BRDT: variants seen among roughly 807,000 people sequenced by gnomAD.
BRDT encodes bromodomain testis-specific protein.
A neutral mutation model predicts 113.9 loss-of-function variants in BRDT; 77 were observed. The observed-to-expected ratio is 0.68, with a 90% CI of 0.56 to 0.82. The LOEUF is 0.82. BRDT is among the 40% of genes least tolerant of loss of function. The pLI, the probability that BRDT is intolerant of heterozygous loss-of-function variation, is 0.00. For synonymous variants in BRDT, 358 were observed against 366.5 expected (o/e 0.98, Z 0.26); for missense variants, 1,027 against 1,105.4 (o/e 0.93, Z 1.01).
chr1:92,006,015 A>G (rs1237958544), intron 18 of BRDT, among the ~76,000 whole-genome samples: 1 of 152,202 alleles, frequency 6.6e-6, no homozygotes, highest in African/African-American at 2.4e-5. Context: ...AGAAGTGTTT[A>G]GTTTCCAGAT....
intron 12 of BRDT, among the ~76,000 whole-genome samples, chr1:91,987,968 G>T (rs1471642627): frequency 6.6e-6 from 1 of 152,020 alleles, no homozygotes; most frequent in East Asian, 1.9e-4. Flanking sequence ...TTCTGCCTCA[G>T]CCTCCTAAGT....
chr1:91,979,768 G>A lies in BRDT; in HGVS notation c.1287+11G>A. On this transcript the variant is annotated intron_variant, in intron 8 of 18. Transcript: ENST00000399546. ...AAGCTTCAGGAGCAGGTAGTTGATT[G>A]TATTGATACAAATTTTGATAATCTA... The A allele has an allele frequency of 6.3e-7, 1 of 1,581,974 alleles. No individual in the cohort carries two copies. The highest frequency in any genetic ancestry group is 8.6e-7 in the Non-Finnish European group (1 of 1,169,390).
chr1:91,998,136 C>T (rs1686512554), intron 15 of BRDT, among the ~76,000 whole-genome samples: 1 of 152,118 alleles, frequency 6.6e-6, no homozygotes, highest in Non-Finnish European at 1.5e-5. Context: ...TTATAGTTTA[C>T]CCTTTCCCCT....
At chr1:91,980,859 A>T (rs747910991) in intron 9 of BRDT, 30 bp from the exon 10 acceptor site, 2 of 1,592,788 alleles carry the variant, frequency 1.3e-6, no homozygotes, top group South Asian at 2.3e-5. Context: ...CAATAACGAT[A>T]AGTTGGACTA....
intron 2 of BRDT, among the ~76,000 whole-genome samples, chr1:91,963,564 A>C (rs1364861042): frequency 6.6e-6 from 1 of 152,172 alleles, no homozygotes; most frequent in Non-Finnish European, 1.5e-5. Context: ...TGGCAGGCTT[A>C]GTTGCATCAC....
chr1:91,959,146 C>T (rs917916801), intron 1 of BRDT, among the ~76,000 whole-genome samples: 3 of 152,116 alleles, frequency 2.0e-5, no homozygotes, highest in African/African-American at 7.2e-5. Context: ...CACTGCATTC[C>T]AGCCTGGGCG....
intron 4 of BRDT, among the ~76,000 whole-genome samples, chr1:91,972,016 T>C (rs1683677039): frequency 6.6e-6 from 1 of 150,522 alleles, no homozygotes; most frequent in Admixed American, 6.6e-5. Flanking sequence ...CTTTTTTTTT[T>C]TTCTTTCTTT....
Position 91,962,701 on chromosome 1 carries a change from C to CAA in BRDT, c.-37-16_-37-15insAA. 7.1e-7 allele frequency: 1 copy of CAA among 1,415,314 alleles called. No homozygotes were observed. Among genetic ancestry groups the CAA allele is most frequent in the Middle Eastern group, 1.9e-4 (1 of 5,322 alleles). The allele number at this position is 1,415,314 out of a possible 1,614,324, so 87.7% of individuals were successfully genotyped here. ...ATTCCTAAAGTGCTTCTGAAGTACT[C>CAA]AGTTTTTGTTTTTCAGGACATGTAC... On this transcript the variant is annotated splice_polypyrimidine_tract_variant and intron_variant, in intron 1 of 18. Transcript: ENST00000399546.
Position 92,012,601 on chromosome 1 carries a change from G to A in BRDT, c.2776-1605G>A, listed in dbSNP as rs144252345. 4.6e-3 allele frequency among the ~76,000 whole-genome samples: 693 copies of A among 152,302 alleles called. 6 individuals carry two copies. Among genetic ancestry groups the A allele is most frequent in the African/African-American group, 0.016 (657 of 41,566 alleles). ...TCTGTGCTAGACATTTGGCATCCTAGAAACTGGGTGTTAAGAATGTAGTCT... is the reference window on the plus strand; with the variant it reads ...TCTGTGCTAGACATTTGGCATCCTAAAAACTGGGTGTTAAGAATGTAGTCT... On this transcript the variant is annotated intron_variant, in intron 18 of 18. Coordinates refer to ENST00000399546, the MANE Select transcript of BRDT (RefSeq NM_207189.4).
chr1:91,995,616 C>T (rs1686248864), intron 15 of BRDT, among the ~76,000 whole-genome samples: 1 of 151,796 alleles, frequency 6.6e-6, no homozygotes, highest in African/African-American at 2.4e-5. Flanking sequence ...GCATGTGCCA[C>T]CATGCCCAGC....
At chr1:92,002,446 C>T (rs1686947769) in intron 16 of BRDT, among the ~76,000 whole-genome samples, 1 of 152,154 alleles carries the variant, frequency 6.6e-6, no homozygotes, top group Admixed American at 6.6e-5. Flanking sequence ...TCACTGCAAC[C>T]TCTGCCTCCC....
At chr1:91,976,204 CAG>C in intron 4 of BRDT, 60 bp from the exon 5 acceptor site, 4 of 1,420,138 alleles carry the variant, frequency 2.8e-6, no homozygotes, top group Non-Finnish European at 3.8e-6. Context: ...GAAAATAAGA[CAG>C]AAAGTGGTAT....
intron 1 of BRDT, 111 bp downstream of exon 1, chr1:91,949,793 G>A (rs964895216): frequency 6.6e-6 from 1 of 152,254 alleles, no homozygotes; most frequent in Admixed American, 6.6e-5. Context: ...TTTTCTTCAA[G>A]GGAGGGCTGG....
chr1:91,981,796 C>CT lies in BRDT; in HGVS notation c.2002+48dup. 2.0e-6 allele frequency: 3 copies of CT among 1,524,062 alleles called. No homozygotes were observed. The South Asian group carries it at 3.8e-5, about 19-fold the overall frequency. 94.4% of individuals were successfully genotyped at this position (1,524,062 alleles called of 1,614,324 possible). On this transcript the variant is annotated intron_variant, in intron 12 of 18. Transcript: ENST00000399546. The stretch of plus-strand genomic sequence containing the variant: ...AAATGTACCTCTGTTGATGGGAGCA[C>CT]TTTTTTTCCTGTAATATTGATTTAT...
intron 12 of BRDT, among the ~76,000 whole-genome samples, chr1:91,989,324 G>GT (rs952450691): frequency 2.0e-5 from 3 of 152,100 alleles, no homozygotes; most frequent in African/African-American, 4.8e-5. Context: ...GGTTTTTGTT[G>GT]TTTTTTTGTT....
intron 1 of BRDT, among the ~76,000 whole-genome samples, chr1:91,958,761 ATG>A (rs1190593466): frequency 1.3e-5 from 2 of 152,178 alleles, no homozygotes; most frequent in Admixed American, 6.5e-5. Context: ...AAAAAATTAA[ATG>A]TAGAAAATGA....
At chr1:91,967,280 A>G (rs1683158445) in intron 3 of BRDT, among the ~76,000 whole-genome samples, 1 of 151,742 alleles carries the variant, frequency 6.6e-6, no homozygotes, top group Admixed American at 6.6e-5. Flanking sequence ...CTTGTTGCCC[A>G]GGCTGGAGTG....
intron 4 of BRDT, among the ~76,000 whole-genome samples, chr1:91,969,823 G>GTTTTTT (rs66466350): frequency 2.8e-5 from 2 of 71,726 alleles, no homozygotes; most frequent in African/African-American, 9.9e-5. Context: ...GTGTGTGTGT[G>GTTTTTT]TTTTTTTTTT....
At chr1:92,000,389 GAAGTGAGGA>G (rs1417610157) in intron 15 of BRDT, among the ~76,000 whole-genome samples, 2 of 152,126 alleles carry the variant, frequency 1.3e-5, no homozygotes, top group African/African-American at 2.4e-5. Flanking sequence ...TTTCCTTGTT[GAAGTGAGGA>G]AACATGGCTA....
Sources: allele counts gnomAD v4.1 joint callset (sites outside exome capture counted in the v4.1 genomes callset), GRCh38; gene constraint gnomAD v4.1.1; transcripts MANE v1.5; gene names NCBI Gene and HGNC (gene_info 2026-07-23, HGNC 2026-07-21).